The following NEDD4L variants were observed in gnomAD, a reference collection of about 807,000 sequenced individuals.
NEDD4L encodes the protein NEDD4 like E3 ubiquitin protein ligase.
A neutral mutation model predicts 148.9 loss-of-function variants in NEDD4L; 54 were observed. That is an observed-to-expected ratio of 0.36 (90% confidence interval 0.29 to 0.45). The LOEUF (loss-of-function observed/expected upper bound fraction) is 0.45. NEDD4L is among the 20% of genes least tolerant of loss of function. NEDD4L has a pLI of 1.00. For synonymous variants in NEDD4L, 433 were observed against 440.7 expected (o/e 0.98, Z 0.22); for missense variants, 856 against 1,233.8 (o/e 0.69, Z 4.59).
intron 1 of NEDD4L, among the ~76,000 whole-genome samples, chr18:58,136,499 C>G (rs1044942114): frequency 6.6e-6 from 1 of 152,106 alleles, no homozygotes; most frequent in East Asian, 1.9e-4. Context: ...GTTTGATATG[C>G]GGGGAACCTG....
chr18:58,079,998 G>A (rs775233376), intron 1 of NEDD4L, among the ~76,000 whole-genome samples: 7 of 152,178 alleles, frequency 4.6e-5, no homozygotes, highest in South Asian at 2.1e-4. Context: ...CACGATCATG[G>A]CTCACTGTAG....
intron 1 of NEDD4L, among the ~76,000 whole-genome samples, chr18:58,082,107 T>A (rs1367495750): frequency 2.0e-4 from 25 of 124,236 alleles, no homozygotes; most frequent in African/African-American, 8.5e-4. Flanking sequence ...TATATATTTT[T>A]TTTTTTTTTT....
At chr18:58,111,051 C>A (rs189226441) in intron 1 of NEDD4L, among the ~76,000 whole-genome samples, 14 of 152,290 alleles carry the variant, frequency 9.2e-5, no homozygotes, top group Non-Finnish European at 1.5e-4. Context: ...GTGCAACCAT[C>A]ATTATGATGT....
intron 1 of NEDD4L, among the ~76,000 whole-genome samples, chr18:58,082,428 A>G (rs1034317751): frequency 1.1e-4 from 16 of 151,216 alleles, no homozygotes; most frequent in Admixed American, 7.9e-4. Context: ...AGTACTGTTT[A>G]TGCATTTTGT....
intron 2 of NEDD4L, among the ~76,000 whole-genome samples, chr18:58,217,233 G>A (rs1045510013): frequency 6.6e-6 from 1 of 152,210 alleles, no homozygotes; most frequent in African/African-American, 2.4e-5. Flanking sequence ...TCAAGCCTAT[G>A]TTGTTATCAC....
chr18:58,386,816 C>T (rs1197353778), intron 26 of NEDD4L, among the ~76,000 whole-genome samples: 1 of 152,124 alleles, frequency 6.6e-6, no homozygotes, highest in Non-Finnish European at 1.5e-5. Context: ...GCCTTAGGGA[C>T]TTAAAATGGG....
At chr18:58,355,118 G>A (rs967511355) in intron 18 of NEDD4L, among the ~76,000 whole-genome samples, 1 of 152,190 alleles carries the variant, frequency 6.6e-6, no homozygotes, top group Non-Finnish European at 1.5e-5. Flanking sequence ...GGTCGAAATC[G>A]TTATTTAGAG....
At chr18:58,167,184 G>A (rs189698117) in intron 2 of NEDD4L, among the ~76,000 whole-genome samples, 2 of 152,212 alleles carry the variant, frequency 1.3e-5, no homozygotes, top group Non-Finnish European at 2.9e-5. Flanking sequence ...ACATCAGCCT[G>A]TACTGCTGGT....
At chr18:58,278,961 T>G (rs896759180) in intron 5 of NEDD4L, among the ~76,000 whole-genome samples, 2 of 152,172 alleles carry the variant, frequency 1.3e-5, no homozygotes, top group African/African-American at 4.8e-5. Context: ...CACCTCTGCC[T>G]CCCAGGTTCA....
At chr18:58,321,708 T>C (rs2058790756) in intron 6 of NEDD4L, among the ~76,000 whole-genome samples, 1 of 152,220 alleles carries the variant, frequency 6.6e-6, no homozygotes, top group South Asian at 2.1e-4. Flanking sequence ...GTATTTGAAA[T>C]TGTGTTTAAT....
Position 58,322,661 on chromosome 18 carries a change from C to T in NEDD4L, c.410+175C>T, listed in dbSNP as rs540881053. On this transcript the variant is annotated intron_variant, in intron 7 of 30. Coordinates refer to ENST00000400345, the MANE Select transcript of NEDD4L (RefSeq NM_001144967.3). ...GCATGCTGTGGGGATGCCTGCCCTG[C>T]GTGCTGTGGGTATAGGTGGGGATGC... Among the ~76,000 whole-genome samples, 8 of 126,988 alleles carry T rather than the reference C, an allele frequency of 6.3e-5. No homozygotes were observed. The East Asian group carries it at 1.3e-3, about 21-fold the overall frequency. The allele number at this position is 126,988 out of a possible 152,430, so 83.3% of individuals were successfully genotyped here.
At chr18:58,323,677 A>G (rs2059048967) in intron 8 of NEDD4L, among the ~76,000 whole-genome samples, 1 of 152,140 alleles carries the variant, frequency 6.6e-6, no homozygotes, top group East Asian at 1.9e-4. Flanking sequence ...TTAGCCATTG[A>G]GGTCGCTTCA....
intron 2 of NEDD4L, among the ~76,000 whole-genome samples, chr18:58,217,299 T>C (rs1228514508): frequency 6.6e-6 from 1 of 152,228 alleles, no homozygotes; most frequent in Admixed American, 6.5e-5. Context: ...ATCTTCGTTG[T>C]GTTCAATTTA....
chr18:58,193,386 T>C (rs945624508), intron 2 of NEDD4L, among the ~76,000 whole-genome samples: 6 of 152,230 alleles, frequency 3.9e-5, no homozygotes, highest in Non-Finnish European at 1.5e-5. Context: ...TCTCCTGTCA[T>C]ACTGCAAACA....
intron 5 of NEDD4L, among the ~76,000 whole-genome samples, chr18:58,269,081 C>T (rs568317250): frequency 6.6e-6 from 1 of 152,030 alleles, no homozygotes; most frequent in South Asian, 2.1e-4. Flanking sequence ...TCATATGTTC[C>T]AATCTTCTGT....
At chr18:58,140,910 C>T (rs114714786) in intron 1 of NEDD4L, among the ~76,000 whole-genome samples, 3,328 of 152,204 alleles carry the variant, frequency 0.022, 118 homozygotes, top group African/African-American at 0.075. Context: ...CATTATGCTC[C>T]GATAACTATC....
At chr18:58,308,021 T>C (rs2057264735) in intron 5 of NEDD4L, among the ~76,000 whole-genome samples, 2 of 152,142 alleles carry the variant, frequency 1.3e-5, no homozygotes, top group Non-Finnish European at 2.9e-5. Context: ...CCTGGTAAAA[T>C]TATCCTGAAA....
chr18:58,100,260 C>T (rs2084674817), intron 1 of NEDD4L, among the ~76,000 whole-genome samples: 1 of 152,256 alleles, frequency 6.6e-6, no homozygotes, highest in South Asian at 2.1e-4. Context: ...GGCCCCTTAA[C>T]ATCATGGCCG....
At chr18:58,107,831 G>A (rs182197342) in intron 1 of NEDD4L, among the ~76,000 whole-genome samples, 1 of 152,116 alleles carries the variant, frequency 6.6e-6, no homozygotes, top group African/African-American at 2.4e-5. Context: ...TCCCATTCCG[G>A]CCTCCCAAGT....
Sources: gnomAD v4.1 joint callset for allele counts (sites outside exome capture counted in the v4.1 genomes callset) on GRCh38, gnomAD v4.1.1 for gene constraint, MANE v1.5 for transcripts, NCBI Gene and HGNC (gene_info 2026-07-23, HGNC 2026-07-21) for gene names.